WDR35: variants seen among roughly 807,000 people sequenced by gnomAD.
The protein encoded by WDR35 is WD repeat-containing protein 35.
A neutral mutation model predicts 158.3 loss-of-function variants in WDR35; 118 were observed. That is an observed-to-expected ratio of 0.75 (90% CI 0.64 to 0.87). The LOEUF (loss-of-function observed/expected upper bound fraction) is 0.87, where lower values mean the gene tolerates loss of function less well. WDR35 is among the 40% of genes least tolerant of loss of function. The probability of loss-of-function intolerance (pLI) is 0.00; values close to 1 mark genes in which losing one functional copy is unlikely to be tolerated. For synonymous variants in WDR35, 448 were observed against 476.1 expected (o/e 0.94, Z 0.77); for missense variants, 1,263 against 1,405.8 (o/e 0.90, Z 1.62).
At chr2:19,926,086 G>GA (rs1170039215) in intron 25 of WDR35, among the ~76,000 whole-genome samples, 3 of 152,214 alleles carry the variant, frequency 2.0e-5, no homozygotes, top group Admixed American at 6.5e-5. Flanking sequence ...GCGTAATTAA[G>GA]AAAAAATCAG....
chr2:19,975,692 C>T (rs774662969), intron 5 of WDR35, 29 bp from the exon 6 acceptor site: 2 of 1,613,570 alleles, frequency 1.2e-6, no homozygotes, highest in East Asian at 2.2e-5. Context: ...AAAAGTTGTT[C>T]AAGGTCATGA....
intron 2 of WDR35, among the ~76,000 whole-genome samples, chr2:19,983,728 T>C (rs1290486311): frequency 6.6e-6 from 1 of 152,148 alleles, no homozygotes; most frequent in Non-Finnish European, 1.5e-5. Flanking sequence ...AGATACCTAA[T>C]TTCCTCTAAA....
At chr2:19,945,113 A>G (rs1487962078) in intron 16 of WDR35, among the ~76,000 whole-genome samples, 1 of 152,122 alleles carries the variant, frequency 6.6e-6, no homozygotes, top group Non-Finnish European at 1.5e-5. Context: ...CCTAAATACA[A>G]CAGCTGAGAG....
At position 19,913,623 on chromosome 2, in the gene WDR35, C is replaced by A; in HGVS notation, c.3448G>T (p.Gly1150Cys). The A allele has an allele frequency of 6.2e-7, 1 of 1,614,006 alleles. No homozygotes were observed. Among genetic ancestry groups the A allele is most frequent in the Non-Finnish European group, 8.5e-7 (1 of 1,179,958 alleles). The change falls in exon 27 of 27, where the codon GGT (glycine) becomes TGT (cysteine). Residue 1150 changes from glycine to cysteine, a missense_variant. Coordinates refer to ENST00000281405, the MANE Select transcript of WDR35 (RefSeq NM_020779.4). The part of the protein sequence containing the change: ...QFWMCSVCKH[G>C]VLAQEISHYS... ...TGGCTTATTTCCTGAGCAAGGACAC[C>A]GTGTTTGCATACACTGCACATCCAG...
At position 19,932,386 on chromosome 2, in the gene WDR35, G is replaced by C; in HGVS notation, c.2720C>G (p.Ala907Gly). 1.2e-6 allele frequency: 2 copies of C among 1,613,286 alleles called. No homozygotes were observed. Among genetic ancestry groups the C allele is most frequent in the Non-Finnish European group, 1.7e-6 (2 of 1,179,550 alleles). The change falls in exon 23 of 27, where the codon GCT becomes GGT. Residue 907 changes from alanine (A) to glycine (G), a missense_variant. Ala to Gly is a moderately conservative substitution (Grantham distance 60). Transcript: ENST00000281405. ...HSMKEIGSLL[A>G]RYASHLLEKN... ...TTCCAGTAAATGAGATGCATACCTA[G>C]CTAACAGAGATCCAATTTCTTTCAT...
At chr2:19,963,847 G>A (rs1241293612) in intron 10 of WDR35, among the ~76,000 whole-genome samples, 3 of 151,924 alleles carry the variant, frequency 2.0e-5, no homozygotes, top group Admixed American at 6.6e-5. Context: ...GGGTTCAAGC[G>A]ATTCTCCTGC....
intron 12 of WDR35, 94 bp from the exon 13 acceptor site, chr2:19,951,578 ACT>A (rs773961107): frequency 2.6e-5 from 24 of 911,080 alleles, no homozygotes; most frequent in Non-Finnish European, 3.9e-5. Context: ...ATCAATTAAT[ACT>A]GTTATTTAAT....
intron 17 of WDR35, among the ~76,000 whole-genome samples, chr2:19,940,970 G>A (rs1297030302): frequency 2.6e-5 from 4 of 152,040 alleles, no homozygotes; most frequent in African/African-American, 7.2e-5. Context: ...CTGCATGGTG[G>A]TTATGATATA....
intron 2 of WDR35, among the ~76,000 whole-genome samples, chr2:19,987,496 T>C (rs1201893068): frequency 1.3e-5 from 2 of 152,130 alleles, no homozygotes; most frequent in Non-Finnish European, 2.9e-5. Flanking sequence ...AAGCCTTCAA[T>C]GTTAAACAAA....
At chr2:19,924,399 C>A (rs960580029) in intron 25 of WDR35, among the ~76,000 whole-genome samples, 2 of 152,168 alleles carry the variant, frequency 1.3e-5, no homozygotes, top group Admixed American at 1.3e-4. Flanking sequence ...CCCGTCTCTA[C>A]TAAAAATACA....
intron 23 of WDR35, among the ~76,000 whole-genome samples, chr2:19,931,623 T>C (rs947999907): frequency 6.6e-6 from 1 of 152,174 alleles, no homozygotes; most frequent in Non-Finnish European, 1.5e-5. Context: ...TATTTAGCCC[T>C]AGGAGTTGGA....
chr2:19,932,622 C>G (rs1191874255), intron 22 of WDR35, among the ~76,000 whole-genome samples, 175 bp from the exon 23 acceptor site: 1 of 152,042 alleles, frequency 6.6e-6, no homozygotes, highest in Non-Finnish European at 1.5e-5. Context: ...AAGCATAAGT[C>G]AAAATGATTA....
intron 10 of WDR35, among the ~76,000 whole-genome samples, chr2:19,961,714 C>G (rs543592193): frequency 6.6e-6 from 1 of 152,138 alleles, no homozygotes; most frequent in Non-Finnish European, 1.5e-5. Flanking sequence ...ATGCTCAAGG[C>G]ATTTTGCTTG....
At chr2:19,941,880 T>A in intron 16 of WDR35, 41 bp from the exon 17 acceptor site, 6 of 1,373,996 alleles carry the variant, frequency 4.4e-6, no homozygotes, top group Non-Finnish European at 6.1e-6. Context: ...TTATGCAAAA[T>A]TTCCTCTCTT....
At chr2:19,959,946 T>G (rs973695041) in intron 11 of WDR35, among the ~76,000 whole-genome samples, 4 of 152,042 alleles carry the variant, frequency 2.6e-5, no homozygotes, top group African/African-American at 9.7e-5. Flanking sequence ...TAGAATAAGA[T>G]TTGGAATTTT....
intron 13 of WDR35, among the ~76,000 whole-genome samples, chr2:19,950,400 G>A (rs1250133811): frequency 6.6e-6 from 1 of 152,164 alleles, no homozygotes; most frequent in Non-Finnish European, 1.5e-5. Flanking sequence ...AACAGTAGGG[G>A]AAAGATGAAT....
At chr2:19,938,857 C>T (rs1670782768) in intron 17 of WDR35, among the ~76,000 whole-genome samples, 1 of 152,154 alleles carries the variant, frequency 6.6e-6, no homozygotes, top group Non-Finnish European at 1.5e-5. Flanking sequence ...CACAGCACCC[C>T]TAACTCTTTT....
chr2:19,946,639 CTA>C, intron 14 of WDR35, 69 bp from the exon 15 acceptor site: 1 of 1,394,240 alleles, frequency 7.2e-7, no homozygotes, highest in South Asian at 1.2e-5. Context: ...AACTATTTCT[CTA>C]TATGTCTATA....
intron 25 of WDR35, among the ~76,000 whole-genome samples, chr2:19,914,768 A>G (rs1288718035): frequency 6.6e-6 from 1 of 152,164 alleles, no homozygotes; most frequent in African/African-American, 2.4e-5. Flanking sequence ...TTGCTTTTGT[A>G]TTACTGCTTT....
Sources: allele counts gnomAD v4.1 joint callset (sites outside exome capture counted in the v4.1 genomes callset), GRCh38; gene constraint gnomAD v4.1.1; transcripts MANE v1.5; gene names NCBI Gene and HGNC (gene_info 2026-07-23, HGNC 2026-07-21).